Variants in DPYSL3 observed in about 807,000 individuals in gnomAD.
The protein encoded by DPYSL3 is dihydropyrimidinase like 3, also known as dihydropyrimidinase-related protein 3.
DPYSL3 carries 16 observed loss-of-function variants against 66.1 expected under a neutral mutation model. The observed-to-expected ratio is 0.24, with a 90% CI of 0.16 to 0.37. DPYSL3 has a LOEUF of 0.37. Among genes scored for constraint, DPYSL3 ranks in the 10% least tolerant of loss-of-function variants. DPYSL3 has a pLI of 1.00. For missense variants in DPYSL3, 738 were observed against 916.2 expected, an observed-to-expected ratio of 0.81 and a Z score of 2.51; for synonymous variants, 338 against 345.1, an observed-to-expected ratio of 0.98 and a Z score of 0.23.
At chr5:147,501,050 A>T (rs938792185) in intron 1 of DPYSL3, among the ~76,000 whole-genome samples, 1 of 152,200 alleles carries the variant, frequency 6.6e-6, no homozygotes, top group Non-Finnish European at 1.5e-5. Context: ...TTCATAACCA[A>T]CAAATCCTGG....
rs1047617031 is a variant in DPYSL3 at position 147,392,397 on chromosome 5, C to T, written c.*1638G>A. 4 of 152,304 alleles carry T rather than the reference C, an allele frequency of 2.6e-5. No homozygotes were observed. In the East Asian group the frequency reaches 5.8e-4, roughly 22 times the overall value. 9.4% of individuals were successfully genotyped at this position (152,304 alleles called of 1,614,324 possible). A position where few individuals can be genotyped will look rare whatever the true frequency, so the allele number is the denominator to read the frequency against. ...ACTTTTCTCTGGTCTTCAACTTATT[C>T]AAACCTGCAGTCAGAGACAATGGTT... On this transcript the variant is annotated 3_prime_UTR_variant, in exon 14 of 14. Transcript: ENST00000343218.
At chr5:147,413,306 T>A (rs771882614) in intron 5 of DPYSL3, among the ~76,000 whole-genome samples, 2 of 152,228 alleles carry the variant, frequency 1.3e-5, no homozygotes, top group Non-Finnish European at 2.9e-5. Flanking sequence ...ACTGGGCTTA[T>A]GAGGGGTTTG....
At chr5:147,456,734 G>T (rs1264338509) in intron 1 of DPYSL3, among the ~76,000 whole-genome samples, 1 of 151,718 alleles carries the variant, frequency 6.6e-6, no homozygotes, top group African/African-American at 2.4e-5. Flanking sequence ...GGCATTACAG[G>T]TGTCTGCCAC....
chr5:147,480,798 C>T (rs943596304), intron 1 of DPYSL3, among the ~76,000 whole-genome samples: 84 of 151,346 alleles, frequency 5.6e-4, no homozygotes, highest in African/African-American at 1.9e-3. Flanking sequence ...TCTCAGCTCA[C>T]TGCAACCTCC....
At chr5:147,476,358 G>A (rs974689898) in intron 1 of DPYSL3, among the ~76,000 whole-genome samples, 11 of 152,032 alleles carry the variant, frequency 7.2e-5, no homozygotes, top group Admixed American at 1.3e-4. Context: ...ATTGATATTC[G>A]TAATGATGAG....
intron 9 of DPYSL3, 51 bp downstream of exon 9, chr5:147,401,489 C>A: frequency 6.4e-7 from 1 of 1,550,622 alleles, no homozygotes. Context: ...CCCAGCTGGA[C>A]TCAAGAGATG....
intron 1 of DPYSL3, among the ~76,000 whole-genome samples, chr5:147,489,718 G>A (rs747576956): frequency 4.0e-5 from 6 of 148,520 alleles, no homozygotes; most frequent in Non-Finnish European, 5.9e-5. Context: ...CGACTTCAGC[G>A]TTCTTTCCTT....
chr5:147,501,459 T>C (rs1753611041), intron 1 of DPYSL3, among the ~76,000 whole-genome samples: 2 of 150,348 alleles, frequency 1.3e-5, no homozygotes, highest in Admixed American at 6.7e-5. Flanking sequence ...ATGTAAACTA[T>C]GGATTTGTGG....
intron 1 of DPYSL3, among the ~76,000 whole-genome samples, chr5:147,497,076 AATG>A (rs1753528299): frequency 6.6e-6 from 1 of 152,212 alleles, no homozygotes; most frequent in South Asian, 2.1e-4. Context: ...AGCCATAAAA[AATG>A]ATGAGTTCAT....
intron 1 of DPYSL3, chr5:147,473,099 T>C (rs1391380325): frequency 6.6e-6 from 1 of 152,162 alleles, no homozygotes; most frequent in East Asian, 1.9e-4. Context: ...TTGCTTGTAA[T>C]AAAATAAATA....
intron 1 of DPYSL3, among the ~76,000 whole-genome samples, chr5:147,489,812 G>A (rs1753388398): frequency 6.6e-6 from 1 of 151,750 alleles, no homozygotes; most frequent in African/African-American, 2.4e-5. Context: ...AAAGTGGAAA[G>A]GGTGAAAGGA....
intron 13 of DPYSL3, among the ~76,000 whole-genome samples, chr5:147,395,229 G>A (rs1448029699): frequency 6.6e-6 from 1 of 152,168 alleles, no homozygotes; most frequent in African/African-American, 2.4e-5. Context: ...GTTGCATAGC[G>A]CTCATAGGCT....
At chr5:147,459,459 C>T (rs2126408100) in intron 1 of DPYSL3, among the ~76,000 whole-genome samples, 1 of 152,118 alleles carries the variant, frequency 6.6e-6, no homozygotes, top group African/African-American at 2.4e-5. Flanking sequence ...TACCTACAAC[C>T]AAACAAAGGA....
At chr5:147,483,623 G>T (rs903584690) in intron 1 of DPYSL3, among the ~76,000 whole-genome samples, 4 of 152,120 alleles carry the variant, frequency 2.6e-5, no homozygotes, top group Non-Finnish European at 5.9e-5. Context: ...CAACCCTGTG[G>T]CAGTGGTAAG....
At chr5:147,419,655 C>T (rs1258398725) in intron 2 of DPYSL3, among the ~76,000 whole-genome samples, 1 of 152,120 alleles carries the variant, frequency 6.6e-6, no homozygotes, top group African/African-American at 2.4e-5. Flanking sequence ...ATATTTTCCC[C>T]TTTTATCCAC....
At chr5:147,397,596 T>C (rs777402099) in intron 12 of DPYSL3, 70 bp downstream of exon 12, 2 of 1,511,500 alleles carry the variant, frequency 1.3e-6, no homozygotes, top group African/African-American at 2.7e-5. Context: ...CCTGTGTTCA[T>C]GGTTACTATC....
At chr5:147,412,808 G>A in intron 5 of DPYSL3, 120 bp from the exon 6 acceptor site, 1 of 837,326 alleles carries the variant, frequency 1.2e-6, no homozygotes, top group Non-Finnish European at 2.0e-6. Flanking sequence ...AAGTCACTAG[G>A]GCAGAAATAT....
At chr5:147,425,390 C>A (rs1752176659) in intron 1 of DPYSL3, among the ~76,000 whole-genome samples, 1 of 152,178 alleles carries the variant, frequency 6.6e-6, no homozygotes, top group Non-Finnish European at 1.5e-5. Context: ...GTTAGGCGTA[C>A]AAGGAAAGAA....
At chr5:147,454,100 T>C (rs936655377) in intron 1 of DPYSL3, 1 of 151,960 alleles carries the variant, frequency 6.6e-6, no homozygotes, top group African/African-American at 2.4e-5. Flanking sequence ...GAGCATCAGC[T>C]ACGCCCTCCC....
Sources: gnomAD v4.1 joint callset for allele counts (sites outside exome capture counted in the v4.1 genomes callset) on GRCh38, gnomAD v4.1.1 for gene constraint, MANE v1.5 for transcripts, NCBI Gene and HGNC (gene_info 2026-07-23, HGNC 2026-07-21) for gene names.